Variants in SYN2 observed in about 807,000 individuals in gnomAD.
SYN2 encodes synapsin II.
A neutral mutation model predicts 50.9 loss-of-function variants in SYN2; 19 were observed. That is an observed-to-expected ratio of 0.37 (90% CI 0.26 to 0.55). The LOEUF (loss-of-function observed/expected upper bound fraction) is 0.55. Among genes scored for constraint, SYN2 ranks in the 20% least tolerant of loss-of-function variants. SYN2 has a pLI of 0.81. For synonymous variants in SYN2, 255 were observed against 224.9 expected (o/e 1.13, Z -1.20); for missense variants, 587 against 576.4 (o/e 1.02, Z -0.19).
intron 7 of SYN2, 23 bp from the exon 8 acceptor site, chr3:12,167,211 A>G (rs143824385): frequency 6.5e-5 from 104 of 1,609,870 alleles, no homozygotes; most frequent in Non-Finnish European, 7.6e-5. Flanking sequence ...TGCCTGTCCT[A>G]TCCTGGTGGG....
chr3:12,187,223 C>A, intron 11 of SYN2, 146 bp from the exon 12 acceptor site: 1 of 1,208,466 alleles, frequency 8.3e-7, no homozygotes, highest in South Asian at 2.0e-5. Context: ...CAAGGACCCC[C>A]TTTAGGGCCC....
At chr3:12,109,928 G>A (rs1696277201) in intron 1 of SYN2, among the ~76,000 whole-genome samples, 1 of 152,148 alleles carries the variant, frequency 6.6e-6, no homozygotes, top group South Asian at 2.1e-4. Flanking sequence ...AGTGGCTCAT[G>A]CCTGTAATCC....
intron 1 of SYN2, among the ~76,000 whole-genome samples, chr3:12,072,919 C>T (rs1025490498): frequency 6.6e-5 from 10 of 152,100 alleles, no homozygotes; most frequent in Admixed American, 3.3e-4. Flanking sequence ...AAAGACAGAG[C>T]ACTAAAGGCT....
chr3:12,109,535 A>G (rs1348131793), intron 1 of SYN2, among the ~76,000 whole-genome samples: 2 of 152,214 alleles, frequency 1.3e-5, no homozygotes, highest in East Asian at 3.8e-4. Flanking sequence ...CTTTAATATA[A>G]AAAGGGAATA....
chr3:12,051,773 T>C (rs1379883529), intron 1 of SYN2, among the ~76,000 whole-genome samples: 1 of 152,208 alleles, frequency 6.6e-6, no homozygotes, highest in African/African-American at 2.4e-5. Context: ...AAGAATGTTC[T>C]TTGGAACACA....
At chr3:12,164,984 C>CTTT (rs68043865) in intron 7 of SYN2, among the ~76,000 whole-genome samples, 31 of 92,308 alleles carry the variant, frequency 3.4e-4, no homozygotes, top group East Asian at 6.0e-4. Context: ...TTTTTCTTTT[C>CTTT]TTTTTTTTTT....
At chr3:12,110,084 G>A (rs534264244) in intron 1 of SYN2, among the ~76,000 whole-genome samples, 93 of 152,270 alleles carry the variant, frequency 6.1e-4, no homozygotes, top group African/African-American at 2.2e-3. Flanking sequence ...AGCTACTGGG[G>A]AGGCTGAGAC....
chr3:12,117,210 A>G (rs1466329433), intron 1 of SYN2, among the ~76,000 whole-genome samples: 1 of 152,184 alleles, frequency 6.6e-6, no homozygotes, highest in Non-Finnish European at 1.5e-5. Context: ...GGATTTATAA[A>G]AAGATGTACC....
At chr3:12,158,009 C>G (rs1200137555) in intron 5 of SYN2, among the ~76,000 whole-genome samples, 1 of 152,202 alleles carries the variant, frequency 6.6e-6, no homozygotes, top group African/African-American at 2.4e-5. Flanking sequence ...CCTGGCCTTG[C>G]ACTAGGCACT....
intron 1 of SYN2, among the ~76,000 whole-genome samples, chr3:12,088,618 C>A (rs544553106): frequency 6.6e-6 from 1 of 152,116 alleles, no homozygotes; most frequent in Non-Finnish European, 1.5e-5. Context: ...TTACAGTAAC[C>A]AAGATATGGA....
In SYN2 at chr3:12,012,932, C is replaced by T. The variant is rs112280522; in HGVS notation, c.377+8004C>T. 2.2e-4 allele frequency among the ~76,000 whole-genome samples: 34 copies of T among 152,312 alleles called. 2 individuals are homozygous for T. The highest frequency in any genetic ancestry group is 4.1e-4 in the African/African-American group (17 of 41,552). On this transcript the variant is annotated intron_variant, in intron 1 of 12. Transcript: ENST00000621198. ...CCAAACATGAAAGATAAATCTCACTCGTTACTTATCCAGTTATTTGCCCTT... is the reference window on the plus strand; with the variant it reads ...CCAAACATGAAAGATAAATCTCACTTGTTACTTATCCAGTTATTTGCCCTT...
chr3:12,160,042 C>CAAAAAAA (rs3079818), intron 5 of SYN2, among the ~76,000 whole-genome samples: 7 of 67,610 alleles, frequency 1.0e-4, no homozygotes, highest in East Asian at 1.0e-3. Context: ...GACTCCGTCT[C>CAAAAAAA]AAAAAAAAAA....
In SYN2 at chr3:12,168,369, C is replaced by T. The variant is rs1362888904; in HGVS notation, c.1056-7C>T. On this transcript the variant is annotated splice_region_variant and splice_polypyrimidine_tract_variant and intron_variant, in intron 8 of 12. Transcript: ENST00000621198. ...CCAGCTTCAGGACACCTTCCCATCA[C>T]CTCCAGGTACAAACTGTGGGTGGAC... 6.2e-7 allele frequency: 1 copy of T among 1,612,200 alleles called. No individual in the cohort carries two copies. Among genetic ancestry groups the T allele is most frequent in the Admixed American group, 1.7e-5 (1 of 59,806 alleles).
At chr3:12,069,963 C>T (rs990620052) in intron 1 of SYN2, among the ~76,000 whole-genome samples, 10 of 151,980 alleles carry the variant, frequency 6.6e-5, no homozygotes, top group Non-Finnish European at 1.3e-4. Flanking sequence ...CACACCACCA[C>T]GCCTGGCTAA....
At chr3:12,094,680 GC>G (rs1410930041) in intron 1 of SYN2, among the ~76,000 whole-genome samples, 2 of 152,170 alleles carry the variant, frequency 1.3e-5, no homozygotes, top group Non-Finnish European at 2.9e-5. Context: ...TATTTAAGGG[GC>G]CTTTGAGTGC....
chr3:12,188,772 C>T (rs1159011023), intron 12 of SYN2, among the ~76,000 whole-genome samples: 1 of 152,162 alleles, frequency 6.6e-6, no homozygotes, highest in African/African-American at 2.4e-5. Flanking sequence ...CCAGTGGCAC[C>T]TCTTGCCTCT....
intron 1 of SYN2, among the ~76,000 whole-genome samples, chr3:12,048,762 A>G (rs1275723532): frequency 6.6e-6 from 1 of 152,194 alleles, no homozygotes; most frequent in Non-Finnish European, 1.5e-5. Flanking sequence ...ATGTGAATTG[A>G]GGCACAGGAA....
At chr3:12,085,659 T>A (rs1236598239) in intron 1 of SYN2, among the ~76,000 whole-genome samples, 1 of 151,720 alleles carries the variant, frequency 6.6e-6, no homozygotes, top group African/African-American at 2.4e-5. Flanking sequence ...GAACAACCAA[T>A]GGATCAAAGA....
chr3:12,099,834 G>A (rs531191593), intron 1 of SYN2, among the ~76,000 whole-genome samples: 2 of 151,254 alleles, frequency 1.3e-5, no homozygotes, highest in African/African-American at 4.8e-5. Flanking sequence ...GCGTAGTGGC[G>A]GGCGCCTGTA....
Sources: gnomAD v4.1 joint callset for allele counts (sites outside exome capture counted in the v4.1 genomes callset) on GRCh38, gnomAD v4.1.1 for gene constraint, MANE v1.5 for transcripts, NCBI Gene and HGNC (gene_info 2026-07-23, HGNC 2026-07-21) for gene names.